Variants in GRM7 observed in about 807,000 individuals in gnomAD.
GRM7 encodes the protein metabotropic glutamate receptor 7.
In GRM7, 35 loss-of-function variants were observed where a neutral mutation model predicts 84.5. That is an observed-to-expected ratio of 0.41 (90% CI 0.32 to 0.55). GRM7 has a LOEUF of 0.55. Ranked by LOEUF, GRM7 falls within the 20% of genes least tolerant of loss-of-function variation. The pLI is 0.19. For missense variants in GRM7, 1,003 were observed against 1,194.6 expected, an observed-to-expected ratio of 0.84 and a Z score of 2.36; for synonymous variants, 487 against 455.1, an observed-to-expected ratio of 1.07 and a Z score of -0.89.
intron 7 of GRM7, among the ~76,000 whole-genome samples, chr3:7,500,118 T>A (rs1699838331): frequency 6.6e-6 from 1 of 152,184 alleles, no homozygotes; most frequent in Non-Finnish European, 1.5e-5. Context: ...TCTACATTAT[T>A]ACTTATGAGC....
intron 5 of GRM7, among the ~76,000 whole-genome samples, chr3:7,451,131 T>A (rs1259280195): frequency 6.6e-6 from 1 of 152,192 alleles, no homozygotes; most frequent in African/African-American, 2.4e-5. Flanking sequence ...GAAAGTGAAA[T>A]GCAATTTGTG....
chr3:7,303,034 G>C (rs924775190), intron 3 of GRM7, among the ~76,000 whole-genome samples: 1 of 147,788 alleles, frequency 6.8e-6, no homozygotes, highest in African/African-American at 2.6e-5. Flanking sequence ...TCCACCTCCC[G>C]GGTTCATGCC....
intron 8 of GRM7, among the ~76,000 whole-genome samples, chr3:7,663,824 CT>C (rs1334918585): frequency 1.3e-5 from 2 of 152,132 alleles, no homozygotes; most frequent in Admixed American, 6.5e-5. Context: ...TATAAACAGC[CT>C]TTATACGAAT....
intron 2 of GRM7, among the ~76,000 whole-genome samples, chr3:7,261,086 C>T (rs1698404640): frequency 1.3e-5 from 2 of 152,090 alleles, no homozygotes; most frequent in East Asian, 1.9e-4. Context: ...GTCTAGTTGG[C>T]CAGCTTGCCT....
chr3:6,970,957 G>C (rs1434026429), intron 1 of GRM7, among the ~76,000 whole-genome samples: 1 of 150,998 alleles, frequency 6.6e-6, no homozygotes, highest in Non-Finnish European at 1.5e-5. Flanking sequence ...ACTCCAGCCT[G>C]GGCCACAGAG....
intron 4 of GRM7, among the ~76,000 whole-genome samples, chr3:7,362,383 G>A (rs1314211377): frequency 6.6e-6 from 1 of 151,932 alleles, no homozygotes; most frequent in Non-Finnish European, 1.5e-5. Flanking sequence ...TTCAAAACGA[G>A]AGAAAATGAC....
At chr3:6,989,349 G>A (rs899648199) in intron 1 of GRM7, among the ~76,000 whole-genome samples, 1 of 152,112 alleles carries the variant, frequency 6.6e-6, no homozygotes, top group African/African-American at 2.4e-5. Context: ...TTTTTTAAAG[G>A]TTATCCTAAG....
At chr3:7,656,353 G>A (rs1342458739) in intron 8 of GRM7, among the ~76,000 whole-genome samples, 6 of 151,928 alleles carry the variant, frequency 3.9e-5, no homozygotes, top group South Asian at 2.1e-4. Flanking sequence ...AATATTAGCC[G>A]GGCATGGTGG....
chr3:7,322,830 C>G (rs1700838373), intron 4 of GRM7, among the ~76,000 whole-genome samples: 1 of 151,958 alleles, frequency 6.6e-6, no homozygotes, highest in Non-Finnish European at 1.5e-5. Context: ...CGAGTTGAAG[C>G]ACAAAATTCG....
At chr3:6,871,812 C>T (rs1394281509) in intron 1 of GRM7, among the ~76,000 whole-genome samples, 2 of 151,904 alleles carry the variant, frequency 1.3e-5, no homozygotes, top group Non-Finnish European at 2.9e-5. Context: ...GGGAAAGCAG[C>T]GTGTAGTAAA....
In GRM7 at chr3:6,869,802, T is replaced by C. The variant is rs930452583; in HGVS notation, c.519+7895T>C. Among the ~76,000 whole-genome samples the C allele has an allele frequency of 5.3e-5, 8 of 152,224 alleles. 1 individual carries two copies. The highest frequency in any genetic ancestry group is 5.2e-4 in the Admixed American group (8 of 15,284). On this transcript the variant is annotated intron_variant, in intron 1 of 9. Coordinates refer to ENST00000357716, the MANE Select transcript of GRM7 (RefSeq NM_000844.4). ...AAGATAACAGCAAGGCTAAGAGCAG[T>C]GGAAGTCTGGCAGCCTTGAGCTTGA...
At chr3:7,190,477 G>C (rs1695673746) in intron 2 of GRM7, among the ~76,000 whole-genome samples, 2 of 152,092 alleles carry the variant, frequency 1.3e-5, no homozygotes, top group Admixed American at 1.3e-4. Context: ...AGCTAAGGGA[G>C]ATTCTAAAGT....
intron 1 of GRM7, among the ~76,000 whole-genome samples, chr3:6,988,677 GA>G (rs1462219482): frequency 2.0e-4 from 30 of 152,282 alleles, no homozygotes; most frequent in Middle Eastern, 3.4e-3. Context: ...CACAGCAATA[GA>G]AATTGAAGCC....
At chr3:7,396,920 TAA>T (rs989632719) in intron 4 of GRM7, among the ~76,000 whole-genome samples, 8 of 152,086 alleles carry the variant, frequency 5.3e-5, no homozygotes, top group African/African-American at 1.9e-4. Context: ...CTATAAATTA[TAA>T]GATATGGGTT....
intron 9 of GRM7, among the ~76,000 whole-genome samples, chr3:7,703,337 G>A (rs1701286479): frequency 6.6e-6 from 1 of 152,066 alleles, no homozygotes; most frequent in Admixed American, 6.5e-5. Context: ...AAGTAAGTCC[G>A]ATGCATGCTA....
intron 8 of GRM7, among the ~76,000 whole-genome samples, chr3:7,614,355 TC>T (rs1331901796): frequency 2.0e-5 from 3 of 151,994 alleles, no homozygotes; most frequent in Non-Finnish European, 2.9e-5. Context: ...GGTGCCCTTT[TC>T]CCCCACTTCC....
chr3:7,587,338 T>G (rs1187376640), intron 8 of GRM7, among the ~76,000 whole-genome samples: 2 of 152,230 alleles, frequency 1.3e-5, no homozygotes, highest in Non-Finnish European at 2.9e-5. Flanking sequence ...TTAAACACTC[T>G]CTACCACATG....
intron 8 of GRM7, among the ~76,000 whole-genome samples, chr3:7,635,718 G>C (rs934254100): frequency 3.3e-5 from 5 of 152,148 alleles, no homozygotes; most frequent in African/African-American, 1.2e-4. Context: ...GTGTTGCCCA[G>C]GCTAGAGTGC....
In GRM7 at chr3:7,680,179, G is replaced by A. The variant is rs776509613; in HGVS notation, c.2582G>A (p.Arg861Gln). The change falls in exon 9 of 10, where the codon CGA becomes CAA. Residue 861 changes from arginine (R) to glutamine (Q), a missense_variant. Around this residue, in one of 2 missense-constraint regions of GRM7, gnomAD observed 910 missense variants for 1,126.0 expected, o/e 0.81. Coordinates refer to ENST00000357716, the MANE Select transcript of GRM7 (RefSeq NM_000844.4). ...HPELNVQKRK[R>Q]SFKAVVTAAT... Reference sequence around the variant, plus strand: ...GAACTCAATGTCCAGAAACGGAAGCGAAGCTTCAAGGCGGTAGTCACAGCA... The same window carrying A: ...GAACTCAATGTCCAGAAACGGAAGCAAAGCTTCAAGGCGGTAGTCACAGCA... 6.8e-6 allele frequency: 11 copies of A among 1,614,068 alleles called. No homozygotes were observed. The highest frequency in any genetic ancestry group is 1.3e-5 in the African/African-American group (1 of 74,928).
Sources: allele counts gnomAD v4.1 joint callset (sites outside exome capture counted in the v4.1 genomes callset), GRCh38; gene constraint gnomAD v4.1.1; regional missense constraint gnomAD v4.1.1; transcripts MANE v1.5; gene names NCBI Gene and HGNC (gene_info 2026-07-23, HGNC 2026-07-21).